Variants in DSTYK observed in about 807,000 individuals in gnomAD.
The protein encoded by DSTYK is RIP-homologous kinase.
A neutral mutation model predicts 98.7 loss-of-function variants in DSTYK; 34 were observed. The ratio of observed to expected loss-of-function variants is 0.34; its 90% confidence interval spans 0.26 to 0.46. The LOEUF is 0.46. Among genes scored for constraint, DSTYK ranks in the 20% least tolerant of loss-of-function variants. DSTYK has a pLI of 1.00. For synonymous variants in DSTYK, 462 were observed against 457.3 expected (o/e 1.01, Z -0.13); for missense variants, 962 against 1,181.7 (o/e 0.81, Z 2.73).
At chr1:205,170,742 A>T (rs1658034559) in intron 2 of DSTYK, among the ~76,000 whole-genome samples, 1 of 152,176 alleles carries the variant, frequency 6.6e-6, no homozygotes, top group African/African-American at 2.4e-5. Context: ...TCCTTTACAG[A>T]TAGGGGTATC....
chr1:205,173,650 A>T (rs1467692322), intron 2 of DSTYK, among the ~76,000 whole-genome samples: 1 of 152,134 alleles, frequency 6.6e-6, no homozygotes, highest in Non-Finnish European at 1.5e-5. Context: ...GGTTTTCCTT[A>T]AAGGACCATT....
chr1:205,145,525 G>GTTTTTTTTTTTTTTTTTTTT lies in DSTYK; in HGVS notation c.*2032_*2033insAAAAAAAAAAAAAAAAAAAA, dbSNP rs61220458. 1 of 125,544 alleles carries GTTTTTTTTTTTTTTTTTTTT rather than the reference G, an allele frequency of 8.0e-6. No homozygotes were observed. The allele number at this position is 125,544 out of a possible 1,614,324, so 7.8% of individuals were successfully genotyped here. A position where few individuals can be genotyped will look rare whatever the true frequency, so the allele number is the denominator to read the frequency against. ...GATGTGCGACTCATCTTTGTTTTTT[G>GTTTTTTTTTTTTTTTTTTTT]TTTTTTTTTTTGTTTTTTTTTGAGA... On this transcript the variant is annotated 3_prime_UTR_variant, in exon 13 of 13. Coordinates refer to ENST00000367162, the MANE Select transcript of DSTYK (RefSeq NM_015375.3).
At chr1:205,206,305 A>C (rs1659199856) in intron 1 of DSTYK, among the ~76,000 whole-genome samples, 1 of 150,172 alleles carries the variant, frequency 6.7e-6, no homozygotes, top group Non-Finnish European at 1.5e-5. Flanking sequence ...TTTGAGACAG[A>C]GTCTCGCTCT....
At chr1:205,210,012 T>C (rs986279043) in intron 1 of DSTYK, among the ~76,000 whole-genome samples, 13 of 152,040 alleles carry the variant, frequency 8.6e-5, no homozygotes, top group African/African-American at 2.9e-4. Flanking sequence ...GCGATTCTCC[T>C]GCCTCAGCCT....
rs1657743103 is a variant in DSTYK at position 205,162,107 on chromosome 1, T to C, written c.1747A>G (p.Lys583Glu). The C allele has an allele frequency of 6.2e-7, 1 of 1,614,078 alleles. No homozygotes were observed. The highest frequency in any genetic ancestry group is 8.5e-7 in the Non-Finnish European group (1 of 1,180,026). The change falls in exon 6 of 13, where the codon AAG (lysine) becomes GAG (glutamate). Residue 583 changes from lysine to glutamate, a missense_variant. This residue lies in a region of DSTYK where 660 missense variants were observed against 855.0 expected (regional missense o/e 0.77). Transcript: ENST00000367162. ...GTCCGGAATTGGCTGCAAATGCTCTTAGCCAATTTGGAGGCGCTGAGGCTC... is the reference window on the plus strand; with the variant it reads ...GTCCGGAATTGGCTGCAAATGCTCTCAGCCAATTTGGAGGCGCTGAGGCTC... ...IESLSASKLA[K>E]SICSQFRTRL...
intron 1 of DSTYK, among the ~76,000 whole-genome samples, chr1:205,203,047 C>T (rs11240384): frequency 0.49 from 74,856 of 152,020 alleles, 21,311 homozygotes; most frequent in Non-Finnish European, 0.63. Context: ...AAAAACCAGA[C>T]TGGATTTTTA....
intron 1 of DSTYK, among the ~76,000 whole-genome samples, chr1:205,193,929 A>G (rs10900468): frequency 0.46 from 69,280 of 151,590 alleles, 19,266 homozygotes; most frequent in Non-Finnish European, 0.62. Flanking sequence ...AAGCCATAAA[A>G]CTAGAAAGGT....
At chr1:205,207,074 C>T (rs1057238940) in intron 1 of DSTYK, among the ~76,000 whole-genome samples, 5 of 141,958 alleles carry the variant, frequency 3.5e-5, no homozygotes, top group Admixed American at 7.8e-5. Flanking sequence ...TAAGTCACTC[C>T]AGTATCTTTT....
At position 205,163,761 on chromosome 1, in the gene DSTYK, C is replaced by T. The variant is rs1221671346; in HGVS notation, c.1519G>A (p.Asp507Asn). The T allele has an allele frequency of 6.2e-7, 1 of 1,614,104 alleles. No homozygotes were observed. The highest frequency in any genetic ancestry group is 8.5e-7 in the Non-Finnish European group (1 of 1,180,014). ...RCLQSLEKSQ[D>N]VSVHITSNYL... Reference sequence around the variant, plus strand: ...TTACTGGTGATGTGAACTGAGACATCCTGAGACTTCTCCAGGCTCTGCAGA... The same window carrying T: ...TTACTGGTGATGTGAACTGAGACATTCTGAGACTTCTCCAGGCTCTGCAGA... The change falls in exon 4 of 13, where the codon GAT (aspartate) becomes AAT (asparagine). Residue 507 changes from aspartate (D) to asparagine (N), a missense_variant. Asp to Asn is a conservative substitution (Grantham distance 23). Transcript: ENST00000367162.
At chr1:205,153,084 C>T (rs1657450360) in intron 10 of DSTYK, among the ~76,000 whole-genome samples, 2 of 152,128 alleles carry the variant, frequency 1.3e-5, no homozygotes, top group Admixed American at 1.3e-4. Flanking sequence ...TCCTAAAGTC[C>T]CTGTAGTTTC....
chr1:205,198,385 T>C (rs537509216), intron 1 of DSTYK, among the ~76,000 whole-genome samples: 8 of 152,136 alleles, frequency 5.3e-5, no homozygotes, highest in Non-Finnish European at 8.8e-5. Context: ...ATTCTCTCCA[T>C]GGGACAGAAC....
intron 2 of DSTYK, among the ~76,000 whole-genome samples, chr1:205,172,220 G>A (rs911900160): frequency 1.2e-4 from 18 of 152,166 alleles, no homozygotes; most frequent in African/African-American, 4.3e-4. Flanking sequence ...GACTCCCAAA[G>A]TGCTGGGATT....
intron 1 of DSTYK, chr1:205,202,066 G>C: frequency 5.4e-6 from 2 of 373,564 alleles, no homozygotes; most frequent in South Asian, 4.0e-5. Flanking sequence ...GGGAAACTCG[G>C]GAAGGGGAGA....
intron 10 of DSTYK, among the ~76,000 whole-genome samples, chr1:205,154,997 T>C (rs933627218): frequency 6.6e-6 from 1 of 151,840 alleles, no homozygotes; most frequent in Non-Finnish European, 1.5e-5. Flanking sequence ...TTTATTTATT[T>C]ATTTAGAGAC....
At chr1:205,179,359 G>A (rs1658325735) in intron 2 of DSTYK, among the ~76,000 whole-genome samples, 1 of 151,558 alleles carries the variant, frequency 6.6e-6, no homozygotes, top group Non-Finnish European at 1.5e-5. Context: ...GGTGGCTCAT[G>A]CCTGTACTCC....
chr1:205,210,456 G>A (rs1659338179), intron 1 of DSTYK, among the ~76,000 whole-genome samples: 1 of 152,070 alleles, frequency 6.6e-6, no homozygotes, highest in Admixed American at 6.5e-5. Flanking sequence ...CTAATTAGAC[G>A]CAGTAGTTAA....
At chr1:205,180,382 T>A (rs12069577) in intron 2 of DSTYK, among the ~76,000 whole-genome samples, 1,965 of 152,074 alleles carry the variant, frequency 0.013, 42 homozygotes, top group African/African-American at 0.045. Flanking sequence ...TCTGTTCCCG[T>A]GTTAGTTTGC....
At chr1:205,202,840 T>C (rs1320846504) in intron 1 of DSTYK, 1 of 454,822 alleles carries the variant, frequency 2.2e-6, no homozygotes, top group Non-Finnish European at 4.0e-6. Flanking sequence ...GAGCCTATAT[T>C]AACTGAGTAA....
chr1:205,180,203 G>C (rs113642820), intron 2 of DSTYK, among the ~76,000 whole-genome samples: 1 of 152,064 alleles, frequency 6.6e-6, no homozygotes, highest in Admixed American at 6.6e-5. Context: ...CTATCAACCC[G>C]TCATCTAGGT....
Sources: allele counts gnomAD v4.1 joint callset (sites outside exome capture counted in the v4.1 genomes callset), GRCh38; gene constraint gnomAD v4.1.1; regional missense constraint gnomAD v4.1.1; transcripts MANE v1.5; gene names NCBI Gene and HGNC (gene_info 2026-07-23, HGNC 2026-07-21).